SLC5A11: variants seen among roughly 807,000 people sequenced by gnomAD.
SLC5A11 encodes the protein solute carrier family 5 member 11.
Under a neutral mutation model 69.8 loss-of-function variants are expected in SLC5A11, and 48 were observed. That is an observed-to-expected ratio of 0.69 (90% CI 0.55 to 0.87). SLC5A11 has a LOEUF of 0.87. Among genes scored for constraint, SLC5A11 ranks in the 40% least tolerant of loss-of-function variants. The probability of loss-of-function intolerance (pLI) is 0.00; values close to 1 mark genes in which losing one functional copy is unlikely to be tolerated. For missense variants in SLC5A11, 784 were observed against 866.1 expected, an observed-to-expected ratio of 0.91 and a Z score of 1.19; for synonymous variants, 319 against 342.4, an observed-to-expected ratio of 0.93 and a Z score of 0.75.
At chr16:24,846,851 A>G (rs2059036548) in intron 1 of SLC5A11, 1 of 152,272 alleles carries the variant, frequency 6.6e-6, no homozygotes, top group Non-Finnish European at 1.5e-5. Context: ...GAATGTATTT[A>G]CTACAACTGC....
exon 2 of SLC5A11, chr16:24,858,690 T>G: frequency 6.2e-7 from 1 of 1,611,758 alleles, no homozygotes; most frequent in Non-Finnish European, 8.5e-7. Flanking sequence ...TTAGATCCCC[T>G]GGATGCGTTT....
intron 14 of SLC5A11, among the ~76,000 whole-genome samples, chr16:24,909,867 T>TA (rs1567710695): frequency 2.0e-4 from 29 of 144,998 alleles, no homozygotes; most frequent in Non-Finnish European, 3.9e-4. Flanking sequence ...AAATAAGCAT[T>TA]AATATTTCTG....
chr16:24,910,329 T>G, exon 15 of SLC5A11: 17 of 1,614,076 alleles, frequency 1.1e-5, no homozygotes, highest in Non-Finnish European at 1.4e-5. Flanking sequence ...CCTGGTTTAC[T>G]CGTCACGACC....
At position 24,884,465 on chromosome 16, in the gene SLC5A11, G is replaced by A. The variant is rs116151981; in HGVS notation, c.664+334G>A. On this transcript the variant is annotated intron_variant, in intron 8 of 15. Coordinates refer to ENST00000347898, the Ensembl canonical transcript of SLC5A11. ...CTCACCTCAGCCTCCTGAGTAGCTG[G>A]GACTACAGACATAGGCCACTATGTC... 9.0e-3 allele frequency among the ~76,000 whole-genome samples: 1,362 copies of A among 151,606 alleles called. 30 individuals carry two copies. The highest frequency in any genetic ancestry group is 0.031 in the African/African-American group (1,293 of 41,296).
At chr16:24,891,338 A>G (rs2048794138) in intron 9 of SLC5A11, among the ~76,000 whole-genome samples, 1 of 130,180 alleles carries the variant, frequency 7.7e-6, no homozygotes, top group Admixed American at 8.6e-5. Flanking sequence ...TTTCTGAGAC[A>G]GGGTCTCACT....
rs1348046776 is a variant in SLC5A11 at position 24,875,576 on chromosome 16, C to T, written c.373-51C>T. 14 of 1,448,338 alleles carry T rather than the reference C, an allele frequency of 9.7e-6. No homozygotes were observed. The South Asian group carries it at 1.1e-4, about 11-fold the overall frequency. The allele number at this position is 1,448,338 out of a possible 1,614,324, so 89.7% of individuals were successfully genotyped here. A position where few individuals can be genotyped will look rare whatever the true frequency, so the allele number is the denominator to read the frequency against. Reference sequence around the variant, plus strand: ...GGGAAGGGCTTGTGTGGGGGGGTCACGTGCTGGTGGTGAAGTCCGCTGGTG... The same window carrying T: ...GGGAAGGGCTTGTGTGGGGGGGTCATGTGCTGGTGGTGAAGTCCGCTGGTG... On this transcript the variant is annotated intron_variant, in intron 5 of 15. Transcript: ENST00000347898.
intron 8 of SLC5A11, among the ~76,000 whole-genome samples, chr16:24,886,815 T>G (rs999595918): frequency 1.3e-5 from 2 of 152,084 alleles, no homozygotes; most frequent in African/African-American, 4.8e-5. Flanking sequence ...GATGTGGTGG[T>G]GCACACCTGT....
intron 8 of SLC5A11, among the ~76,000 whole-genome samples, chr16:24,886,752 C>T (rs970869729): frequency 2.0e-5 from 3 of 152,076 alleles, no homozygotes; most frequent in Non-Finnish European, 2.9e-5. Context: ...AGCTTGAAAC[C>T]AGCCTGGACA....
At chr16:24,870,049 T>TAACA in intron 4 of SLC5A11, 44 bp downstream of exon 5, 1 of 1,352,906 alleles carries the variant, frequency 7.4e-7, no homozygotes, top group Middle Eastern at 1.8e-4. Context: ...TACCTCTACC[T>TAACA]AACAGGTAGA....
At chr16:24,872,101 C>G in intron 4 of SLC5A11, 59 bp from the exon 6 acceptor site, 1 of 1,608,794 alleles carries the variant, frequency 6.2e-7, no homozygotes, top group South Asian at 1.1e-5. Flanking sequence ...AGAGGGAAAT[C>G]CAAATGGGTA....
In SLC5A11 at chr16:24,849,593, A is replaced by AAAAAAAAAAAAATATATATATACAT; in HGVS notation, c.-25+3156_-25+3157insAAAAAAAAAAATATATATATACATA. 5.6e-5 allele frequency among the ~76,000 whole-genome samples: 2 copies of AAAAAAAAAAAAATATATATATACAT among 35,922 alleles called. 1 individual carries two copies. Among genetic ancestry groups the AAAAAAAAAAAAATATATATATACAT allele is most frequent in the Non-Finnish European group, 1.1e-4 (2 of 17,968 alleles). The allele number at this position is 35,922 out of a possible 152,430, so 23.6% of individuals were successfully genotyped here. A position where few individuals can be genotyped will look rare whatever the true frequency, so the allele number is the denominator to read the frequency against. On this transcript the variant is annotated intron_variant, in intron 1 of 15. Coordinates refer to ENST00000347898, the Ensembl canonical transcript of SLC5A11. ...GGGGCAAAAAAAAAAAAAAAAAAAA[A>AAAAAAAAAAAAATATATATATACAT]ATATATATATATATATATATATATA... is the stretch of plus-strand genomic sequence containing the variant.
At chr16:24,874,615 G>A (rs2047549868) in intron 5 of SLC5A11, among the ~76,000 whole-genome samples, 1 of 152,092 alleles carries the variant, frequency 6.6e-6, no homozygotes, top group African/African-American at 2.4e-5. Flanking sequence ...CTGGAGTGCA[G>A]TGGCGTGCCC....
intron 1 of SLC5A11, among the ~76,000 whole-genome samples, chr16:24,856,016 A>G (rs1337997076): frequency 6.6e-6 from 1 of 152,210 alleles, no homozygotes; most frequent in Admixed American, 6.5e-5. Context: ...CTGTCTGATC[A>G]TACCACTTTC....
chr16:24,896,846 C>T (rs774065599), intron 9 of SLC5A11, among the ~76,000 whole-genome samples: 2 of 151,816 alleles, frequency 1.3e-5, no homozygotes, highest in Non-Finnish European at 2.9e-5. Flanking sequence ...TCAAAGAGGC[C>T]TTCCCATATC....
chr16:24,909,140 G>A (rs1358727250), intron 14 of SLC5A11, 44 bp downstream of exon 15: 6 of 1,591,930 alleles, frequency 3.8e-6, no homozygotes, highest in Non-Finnish European at 5.2e-6. Flanking sequence ...CTTTTTGTTG[G>A]AAGTGACAGA....
intron 2 of SLC5A11, among the ~76,000 whole-genome samples, chr16:24,860,543 A>G (rs183365005): frequency 6.4e-4 from 97 of 152,336 alleles, no homozygotes; most frequent in Middle Eastern, 3.4e-3. Context: ...CGTATATTAA[A>G]GAATATATGC....
chr16:24,881,643 C>T (rs1283786884), intron 7 of SLC5A11, among the ~76,000 whole-genome samples: 3 of 152,120 alleles, frequency 2.0e-5, no homozygotes, highest in Non-Finnish European at 4.4e-5. Flanking sequence ...CGTATCTCAA[C>T]CAAGTTTAAA....
intron 4 of SLC5A11, 57 bp downstream of exon 5, chr16:24,870,062 T>A: frequency 1.6e-6 from 2 of 1,277,456 alleles, no homozygotes; most frequent in South Asian, 2.5e-5. Flanking sequence ...CAGGTAGATC[T>A]CAGGGGAAAG....
chr16:24,893,041 C>T (rs113681780), intron 9 of SLC5A11, among the ~76,000 whole-genome samples: 1 of 143,882 alleles, frequency 7.0e-6, no homozygotes, highest in Non-Finnish European at 1.5e-5. Context: ...GAGGTCAAGG[C>T]GGGTGGATCA....
Sources: allele counts gnomAD v4.1 joint callset (sites outside exome capture counted in the v4.1 genomes callset), GRCh38; gene constraint gnomAD v4.1.1; transcripts MANE v1.5; gene names NCBI Gene and HGNC (gene_info 2026-07-23, HGNC 2026-07-21).